Variants in OCLN observed in about 807,000 individuals in gnomAD.
The protein encoded by OCLN is phosphatase 1, regulatory subunit 115.
OCLN carries 21 observed loss-of-function variants against 47.9 expected under a neutral mutation model. That is an observed-to-expected ratio of 0.44 (90% CI 0.31 to 0.63). The LOEUF (loss-of-function observed/expected upper bound fraction) is 0.63, where lower values mean the gene tolerates loss of function less well. OCLN is among the 30% of genes least tolerant of loss of function. OCLN has a pLI of 0.08. For missense variants in OCLN, 360 were observed against 571.0 expected, an observed-to-expected ratio of 0.63 and a Z score of 3.77; for synonymous variants, 117 against 198.4, an observed-to-expected ratio of 0.59 and a Z score of 3.45.
chr5:69,511,485 C>T (rs545185842), intron 3 of OCLN, among the ~76,000 whole-genome samples: 24 of 152,194 alleles, frequency 1.6e-4, no homozygotes, highest in South Asian at 6.2e-4. Context: ...AGTCACAGCT[C>T]ACTGCATCCT....
intron 4 of OCLN, among the ~76,000 whole-genome samples, chr5:69,521,692 A>C (rs986580734): frequency 1.3e-5 from 2 of 152,216 alleles, no homozygotes; most frequent in African/African-American, 4.8e-5. Flanking sequence ...AAAGCTCTGC[A>C]GATTCTACTA....
At position 69,493,209 on chromosome 5, in the gene OCLN, G is replaced by C. The variant is rs1388921893; in HGVS notation, c.-69+309G>C. Among the ~76,000 whole-genome samples, 1 of 152,152 alleles carries C rather than the reference G, an allele frequency of 6.6e-6. No homozygotes were observed. The highest frequency in any genetic ancestry group is 2.4e-5 in the African/African-American group (1 of 41,450). ...GGCGCGGGCAACTTTTCACTTTTAT[G>C]GGGCACGACATTCCTGAACAGCGAC... On this transcript the variant is annotated intron_variant, in intron 1 of 8. Coordinates refer to ENST00000396442, the MANE Select transcript of OCLN (RefSeq NM_001205254.2). This position sits in a 1 kb window ranked among gnomAD's most constrained non-coding sequence, Gnocchi z 5.3.
chr5:69,514,899 A>G (rs1768885795), intron 4 of OCLN, among the ~76,000 whole-genome samples: 1 of 152,186 alleles, frequency 6.6e-6, no homozygotes, highest in African/African-American at 2.4e-5. Context: ...TACAGAACAA[A>G]ATGAAAAGTC....
intron 1 of OCLN, among the ~76,000 whole-genome samples, chr5:69,494,110 G>GC (rs1768223788): frequency 1.3e-5 from 2 of 152,324 alleles, no homozygotes; most frequent in Admixed American, 6.5e-5. Flanking sequence ...GTGATTCTTG[G>GC]TGTGATAGAA....
chr5:69,517,881 A>G (rs1022331267), intron 4 of OCLN, among the ~76,000 whole-genome samples: 1 of 152,156 alleles, frequency 6.6e-6, no homozygotes, highest in Non-Finnish European at 1.5e-5. Context: ...TAGCTGGAAT[A>G]GGACAGGTCT....
chr5:69,518,161 TGAAA>T (rs1462400104), intron 4 of OCLN, among the ~76,000 whole-genome samples: 1 of 152,192 alleles, frequency 6.6e-6, no homozygotes, highest in Non-Finnish European at 1.5e-5. Context: ...ATGATTAAGG[TGAAA>T]GAACTACTTA....
Position 69,514,036 on chromosome 5 carries a change from G to T in OCLN, c.818G>T (p.Arg273Met), listed in dbSNP as rs778563065. The T allele has an allele frequency of 6.8e-6, 11 of 1,612,982 alleles. No homozygotes were observed. In the East Asian group the frequency reaches 2.2e-4, roughly 33 times the overall value. Reference sequence around the variant, plus strand: ...GTGAAAACTCGAAGAAAGATGGACAGGTATGACAAGTCCAATATTTTGTGG... The same window carrying T: ...GTGAAAACTCGAAGAAAGATGGACATGTATGACAAGTCCAATATTTTGTGG... ...FAVKTRRKMD[R>M]YDKSNILWDK... Residue 273 changes from arginine (R) to methionine (M), a missense_variant, in exon 4 of 9, where the codon AGG becomes ATG. Arg to Met is a moderately conservative substitution (Grantham distance 91). Coordinates refer to ENST00000396442, the MANE Select transcript of OCLN (RefSeq NM_001205254.2).
rs969078591 is a variant in OCLN at position 69,493,770 on chromosome 5, C to T, written c.-69+870C>T. On this transcript the variant is annotated intron_variant, in intron 1 of 8. Coordinates refer to ENST00000396442, the MANE Select transcript of OCLN (RefSeq NM_001205254.2). The surrounding 1 kb of genome is among the most constrained non-coding windows in gnomAD (Gnocchi z 5.3). ...TGGGGACCTCCGGGACTGGGCCGGC[C>T]CCGCGCGCCAGCCATGTTGCCTGCG... 5.9e-5 allele frequency among the ~76,000 whole-genome samples: 9 copies of T among 152,132 alleles called. No homozygotes were observed. Among genetic ancestry groups the T allele is most frequent in the Admixed American group, 2.6e-4 (4 of 15,278 alleles).
At chr5:69,517,312 ATATT>A (rs1259464976) in intron 4 of OCLN, among the ~76,000 whole-genome samples, 18 of 82,202 alleles carry the variant, frequency 2.2e-4, no homozygotes, top group Non-Finnish European at 3.2e-4. Flanking sequence ...ATATATATAT[ATATT>A]TTTTTTTTTT....
chr5:69,496,058 A>T (rs992048342), intron 1 of OCLN, among the ~76,000 whole-genome samples: 1 of 152,068 alleles, frequency 6.6e-6, no homozygotes, highest in African/African-American at 2.4e-5. Flanking sequence ...TTTACTAATG[A>T]TGTGCCTGTA....
At chr5:69,507,661 A>G (rs902030197) in intron 2 of OCLN, among the ~76,000 whole-genome samples, 10 of 152,006 alleles carry the variant, frequency 6.6e-5, no homozygotes, top group Non-Finnish European at 1.2e-4. Flanking sequence ...GCTGGAGTGC[A>G]ATGGCACGGT....
At position 69,500,605 on chromosome 5, in the gene OCLN, T is replaced by C. The variant is rs1174168424; in HGVS notation, c.-68-3572T>C. On this transcript the variant is annotated intron_variant, in intron 1 of 8. Transcript: ENST00000396442. ...TTAGTAGAGATAGGGTTTCACCACA[T>C]TGGTCAGCTGGTCTTGAACTCCAGA... 2.6e-5 allele frequency among the ~76,000 whole-genome samples: 4 copies of C among 152,224 alleles called. No homozygotes were observed. In the East Asian group the frequency reaches 5.8e-4, roughly 22 times the overall value.
In OCLN at chr5:69,509,211, C is replaced by G. The variant is rs753732841; in HGVS notation, c.121C>G (p.Gln41Glu). The G allele has an allele frequency of 1.9e-4, 306 of 1,614,012 alleles. No individual in the cohort carries two copies. Among genetic ancestry groups the G allele is most frequent in the Non-Finnish European group, 2.5e-4 (298 of 1,179,956 alleles). The change falls in exon 3 of 9, where the codon CAG becomes GAG. Residue 41 changes from glutamine to glutamate, a missense_variant. This residue lies in a region of OCLN where 314 missense variants were observed against 368.1 expected (regional missense o/e 0.85). Coordinates refer to ENST00000396442, the MANE Select transcript of OCLN (RefSeq NM_001205254.2). ...GEMHVRPMLS[Q>E]PAYSFYPEDE... ...GATGCATGTTCGACCAATGCTCTCTCAGCCAGCCTACTCTTTTTACCCAGA... is the reference window on the plus strand; with the variant it reads ...GATGCATGTTCGACCAATGCTCTCTGAGCCAGCCTACTCTTTTTACCCAGA...
intron 4 of OCLN, chr5:69,530,733 T>C (rs1769406826): frequency 6.6e-6 from 1 of 152,246 alleles, no homozygotes; most frequent in Admixed American, 6.5e-5. Context: ...TGGAATTTAT[T>C]ATGCATGTGT....
intron 4 of OCLN, among the ~76,000 whole-genome samples, chr5:69,525,373 G>A (rs1376543546): frequency 1.3e-5 from 2 of 152,060 alleles, no homozygotes; most frequent in Non-Finnish European, 2.9e-5. Flanking sequence ...CAAAGTGCTG[G>A]GATTACAGGC....
At chr5:69,511,486 A>C (rs960709903) in intron 3 of OCLN, among the ~76,000 whole-genome samples, 7 of 152,048 alleles carry the variant, frequency 4.6e-5, no homozygotes, top group African/African-American at 1.7e-4. Context: ...GTCACAGCTC[A>C]CTGCATCCTT....
intron 4 of OCLN, among the ~76,000 whole-genome samples, chr5:69,525,111 CT>C (rs557396452): frequency 5.7e-4 from 83 of 145,998 alleles, no homozygotes; most frequent in Non-Finnish European, 5.5e-4. Flanking sequence ...CTTTTCTTTT[CT>C]TTTTTTTTTT....
rs1768694298 is a variant in OCLN, at chr5:69,509,178, G to A, written c.88G>A (p.Gly30Ser). 4 of 1,614,084 alleles carry A rather than the reference G, an allele frequency of 2.5e-6. No homozygotes were observed. The highest frequency in any genetic ancestry group is 1.7e-5 in the Admixed American group (1 of 60,020). ...TTATGCACCAAGCAATGACATATAT[G>A]GTGGAGAGATGCATGTTCGACCAAT... Reference protein sequence around the residue: ...NHYAPSNDIYGGEMHVRPMLS... With the variant: ...NHYAPSNDIYSGEMHVRPMLS... The change falls in exon 3 of 9, where the codon GGT becomes AGT. Residue 30 changes from glycine to serine, a missense_variant. Gly to Ser is a moderately conservative substitution (Grantham distance 56). Around this residue, in one of 3 missense-constraint regions of OCLN, gnomAD observed 314 missense variants for 368.1 expected, o/e 0.85. Transcript: ENST00000396442.
Position 69,518,528 on chromosome 5 carries a change from T to C in OCLN, c.891+4419T>C, listed in dbSNP as rs554119958. Among the ~76,000 whole-genome samples the C allele has an allele frequency of 6.6e-5, 10 of 152,332 alleles. No homozygotes were observed. The South Asian group carries it at 2.1e-3, about 32-fold the overall frequency. ...ACCTGCCCAAGTTCATGTCGCGGAA[T>C]TCAATACCACGTTCTCATTATTTCC... On this transcript the variant is annotated intron_variant, in intron 4 of 8. Transcript: ENST00000396442.
Sources: gnomAD v4.1 joint callset for allele counts (sites outside exome capture counted in the v4.1 genomes callset) on GRCh38, gnomAD v4.1.1 for gene constraint, gnomAD v4.1.1 regional missense constraint, Gnocchi (gnomAD v3.1) non-coding constraint, MANE v1.5 for transcripts, NCBI Gene and HGNC (gene_info 2026-07-23, HGNC 2026-07-21) for gene names.